TNIP1: variants seen among roughly 807,000 people sequenced by gnomAD.
The protein encoded by TNIP1 is TNFAIP3 interacting protein 1.
A neutral mutation model predicts 86.6 loss-of-function variants in TNIP1; 22 were observed. That is an observed-to-expected ratio of 0.25 (90% CI 0.18 to 0.36). The LOEUF (loss-of-function observed/expected upper bound fraction) is 0.36. Among genes scored for constraint, TNIP1 ranks in the 10% least tolerant of loss-of-function variants. The pLI is 1.00. For missense variants in TNIP1, 709 were observed against 820.6 expected (o/e 0.86, Z 1.66); for synonymous variants, 294 against 313.0 (o/e 0.94, Z 0.64).
At chr5:151,080,624 A>C (rs930845281) in intron 1 of TNIP1, among the ~76,000 whole-genome samples, 1 of 151,944 alleles carries the variant, frequency 6.6e-6, no homozygotes, top group African/African-American at 2.4e-5. Flanking sequence ...GCTCTCTACA[A>C]CCGCCCCACG....
At chr5:151,045,667 G>T (rs191846014) in intron 9 of TNIP1, among the ~76,000 whole-genome samples, 194 bp downstream of exon 9, 1 of 152,170 alleles carries the variant, frequency 6.6e-6, no homozygotes, top group Admixed American at 6.5e-5. Context: ...TGTAGGCAAA[G>T]GGACTGATCA....
chr5:151,042,700 G>A, intron 10 of TNIP1, 29 bp from the exon 11 acceptor site: 1 of 1,613,168 alleles, frequency 6.2e-7, no homozygotes, highest in Non-Finnish European at 8.5e-7. Context: ...AGGAGTGTGT[G>A]AGGCAAGGAT....
At chr5:151,038,850 C>A (rs945076475) in intron 12 of TNIP1, among the ~76,000 whole-genome samples, 2 of 152,130 alleles carry the variant, frequency 1.3e-5, no homozygotes, top group African/African-American at 4.8e-5. Flanking sequence ...CCCTGACAAG[C>A]AGGGTGGGCA....
rs1339759463 is a variant in TNIP1, at chr5:151,060,453, C to T, written c.358-58G>A. 49 of 1,543,900 alleles carry T rather than the reference C, an allele frequency of 3.2e-5. 1 individual carries two copies. The highest frequency in any genetic ancestry group is 2.5e-4 in the South Asian group (22 of 89,424). ...AGAAAAACAGCTCACCCCTCCTCTG[C>T]GGCCCTGTGGCTGAGAGCAGCAAGG... On this transcript the variant is annotated intron_variant, in intron 4 of 17. Coordinates refer to ENST00000521591, the MANE Select transcript of TNIP1 (RefSeq NM_006058.5).
intron 6 of TNIP1, 38 bp downstream of exon 6, chr5:151,056,728 G>A (rs756335856): frequency 3.0e-5 from 43 of 1,438,156 alleles, no homozygotes; most frequent in Non-Finnish European, 3.7e-5. Flanking sequence ...GGGGAAGCAC[G>A]CCTGCCTGTC....
At chr5:151,037,098 T>C (rs991580240) in intron 12 of TNIP1, 177 bp from the exon 13 acceptor site, 6 of 713,054 alleles carry the variant, frequency 8.4e-6, no homozygotes, top group South Asian at 4.3e-5. Flanking sequence ...TATCATTTCA[T>C]TGGATCTTCT....
At chr5:151,048,463 C>G (rs543400987) in intron 8 of TNIP1, among the ~76,000 whole-genome samples, 1 of 152,324 alleles carries the variant, frequency 6.6e-6, no homozygotes, top group African/African-American at 2.4e-5. Flanking sequence ...GGTTGCAGTG[C>G]TGGTAAAAGG....
At chr5:151,058,105 G>C (rs1230303958) in intron 5 of TNIP1, among the ~76,000 whole-genome samples, 2 of 152,190 alleles carry the variant, frequency 1.3e-5, no homozygotes, top group Non-Finnish European at 2.9e-5. Context: ...ATTTTTAGTT[G>C]AGACGGGGTT....
intron 5 of TNIP1, among the ~76,000 whole-genome samples, chr5:151,059,779 C>CAGAGACAG (rs1318390934): frequency 1.5e-5 from 1 of 67,330 alleles, no homozygotes; most frequent in African/African-American, 5.3e-5. Flanking sequence ...GTACGAGAGA[C>CAGAGACAG]AGAGAGAGAG....
chr5:151,073,239 A>AG, intron 1 of TNIP1, among the ~76,000 whole-genome samples: 1 of 151,636 alleles, frequency 6.6e-6, no homozygotes, highest in Non-Finnish European at 1.5e-5. Flanking sequence ...AAAAAAAAAA[A>AG]AAAAGGGGTG....
At chr5:151,033,919 G>T in intron 15 of TNIP1, 120 bp from the exon 16 acceptor site, 2 of 885,294 alleles carry the variant, frequency 2.3e-6, no homozygotes, top group South Asian at 2.8e-5. Flanking sequence ...ACCAAAGGCT[G>T]GTATGTGGTC....
upstream of TNIP1, among the ~76,000 whole-genome samples, chr5:151,082,734 A>T (rs889713482): frequency 3.3e-5 from 5 of 152,190 alleles, no homozygotes; most frequent in African/African-American, 1.2e-4. Flanking sequence ...AGCTTGACAT[A>T]AAAAAATGGC....
chr5:151,071,032 G>T lies in TNIP1; in HGVS notation c.-36-5901C>A, dbSNP rs180887986. On this transcript the variant is annotated intron_variant, in intron 1 of 17. Coordinates refer to ENST00000521591, the MANE Select transcript of TNIP1 (RefSeq NM_006058.5). ...GGGGGAAGCTATGCCTGTTAGGGGT[G>T]GGGGGGGCGCAGTATATGTAAAATC... Among the ~76,000 whole-genome samples the T allele has an allele frequency of 2.1e-4, 31 of 145,504 alleles. 1 individual carries two copies. The South Asian group carries it at 2.3e-3, about 11-fold the overall frequency.
In TNIP1 at chr5:151,049,814, G is replaced by C; in HGVS notation, c.846+10C>G. The C allele has an allele frequency of 6.2e-7, 1 of 1,614,090 alleles. No homozygotes were observed. The highest frequency in any genetic ancestry group is 2.2e-5 in the East Asian group (1 of 44,890). ...CAAGGATGCTACAGAAGGAATTTCT[G>C]ACCACATACCTGCTGCTGTCCAGCC... On this transcript the variant is annotated intron_variant, in intron 8 of 17. Coordinates refer to ENST00000521591, the MANE Select transcript of TNIP1 (RefSeq NM_006058.5).
At chr5:151,083,117 C>T (rs1345275212), upstream of TNIP1, among the ~76,000 whole-genome samples, 8 of 152,172 alleles carry the variant, frequency 5.3e-5, no homozygotes, top group Non-Finnish European at 1.2e-4. Flanking sequence ...CAGAAAACAC[C>T]ACTGTCATAA....
intron 5 of TNIP1, among the ~76,000 whole-genome samples, chr5:151,058,769 T>C (rs1488791818): frequency 6.6e-6 from 1 of 152,172 alleles, no homozygotes; most frequent in East Asian, 1.9e-4. Flanking sequence ...AACCAAGCTA[T>C]GGGGAGGAGG....
intron 1 of TNIP1, among the ~76,000 whole-genome samples, chr5:151,071,031 TG>T (rs138862645): frequency 5.5e-5 from 8 of 145,078 alleles, no homozygotes; most frequent in East Asian, 2.0e-4. Context: ...CTGTTAGGGG[TG>T]GGGGGGGCGC....
At chr5:151,070,695 G>C (rs75984114) in intron 1 of TNIP1, among the ~76,000 whole-genome samples, 3,392 of 152,250 alleles carry the variant, frequency 0.022, 141 homozygotes, top group African/African-American at 0.077. Flanking sequence ...TCACATTGCA[G>C]ACATAAACAA....
chr5:151,062,073 A>T (rs1761640169), intron 4 of TNIP1, 54 bp downstream of exon 4: 6 of 1,481,710 alleles, frequency 4.0e-6, no homozygotes, highest in Non-Finnish European at 5.6e-6. Context: ...ATCTGTCAGT[A>T]GGACTTGAGG....
Sources: gnomAD v4.1 joint callset for allele counts (sites outside exome capture counted in the v4.1 genomes callset) on GRCh38, gnomAD v4.1.1 for gene constraint, MANE v1.5 for transcripts, NCBI Gene and HGNC (gene_info 2026-07-23, HGNC 2026-07-21) for gene names.